Variants in PTPDC1 observed in about 807,000 individuals in gnomAD.
PTPDC1 encodes protein tyrosine phosphatase domain-containing protein 1.
Under a neutral mutation model 75.3 loss-of-function variants are expected in PTPDC1, and 53 were observed. The ratio of observed to expected loss-of-function variants is 0.70; its 90% CI spans 0.56 to 0.88. The LOEUF is 0.88. Ranked by LOEUF, PTPDC1 falls within the 40% of genes least tolerant of loss-of-function variation. PTPDC1 has a pLI of 0.00. For synonymous variants in PTPDC1, 349 were observed against 366.2 expected (o/e 0.95, Z 0.54); for missense variants, 925 against 998.6 (o/e 0.93, Z 0.99).
intron 5 of PTPDC1, among the ~76,000 whole-genome samples, chr9:94,096,899 A>T (rs1827591842): frequency 6.6e-6 from 1 of 152,194 alleles, no homozygotes; most frequent in African/African-American, 2.4e-5. Context: ...GTATGGATTG[A>T]TTGGATGGAA....
intron 1 of PTPDC1, among the ~76,000 whole-genome samples, chr9:94,061,126 C>A (rs1826116964): frequency 6.6e-6 from 1 of 152,136 alleles, no homozygotes; most frequent in South Asian, 2.1e-4. Context: ...GTAAATACTC[C>A]CATTCCGAAA....
intron 2 of PTPDC1, 71 bp from the exon 3 acceptor site, chr9:94,087,760 C>G: frequency 9.7e-7 from 1 of 1,032,490 alleles, no homozygotes; most frequent in Non-Finnish European, 1.5e-6. Context: ...TCTCTCAGGA[C>G]TGGAACATCT....
At chr9:94,037,610 G>C (rs1038684368) in intron 1 of PTPDC1, among the ~76,000 whole-genome samples, 7 of 151,194 alleles carry the variant, frequency 4.6e-5, no homozygotes, top group African/African-American at 1.7e-4. Flanking sequence ...TTTTTTTCTA[G>C]AACAGGGACC....
chr9:94,059,874 G>A (rs1468535126), intron 1 of PTPDC1, among the ~76,000 whole-genome samples: 1 of 152,058 alleles, frequency 6.6e-6, no homozygotes, highest in Admixed American at 6.5e-5. Context: ...TTTGACTGTT[G>A]TTGTATCCTG....
chr9:94,064,306 G>A (rs1281668501), intron 1 of PTPDC1, among the ~76,000 whole-genome samples: 1 of 152,136 alleles, frequency 6.6e-6, no homozygotes, highest in African/African-American at 2.4e-5. Context: ...TTTAAAATAG[G>A]GGATGATAGC....
intron 7 of PTPDC1, among the ~76,000 whole-genome samples, chr9:94,103,924 C>T (rs1827929444): frequency 6.6e-6 from 1 of 152,180 alleles, no homozygotes; most frequent in South Asian, 2.1e-4. Flanking sequence ...ATCTCTATGA[C>T]ATGTCACCAT....
At chr9:94,032,393 C>T (rs1829745272) in intron 1 of PTPDC1, among the ~76,000 whole-genome samples, 1 of 152,212 alleles carries the variant, frequency 6.6e-6, no homozygotes, top group Non-Finnish European at 1.5e-5. Context: ...TCTAATTTCC[C>T]ACCCAATCCC....
chr9:94,055,687 G>A (rs1460738191), intron 1 of PTPDC1, among the ~76,000 whole-genome samples: 3 of 152,110 alleles, frequency 2.0e-5, no homozygotes, highest in African/African-American at 7.2e-5. Flanking sequence ...TTCCAACATG[G>A]CACATGTATA....
chr9:94,047,641 A>G (rs1164391961), intron 1 of PTPDC1, among the ~76,000 whole-genome samples: 2 of 152,228 alleles, frequency 1.3e-5, no homozygotes, highest in Non-Finnish European at 2.9e-5. Context: ...TGGTTTTTAG[A>G]AAAGATCAAC....
At chr9:94,073,005 T>A (rs1826564869) in intron 2 of PTPDC1, among the ~76,000 whole-genome samples, 1 of 152,158 alleles carries the variant, frequency 6.6e-6, no homozygotes, top group African/African-American at 2.4e-5. Context: ...CTTTATCTGC[T>A]TTTGGTATCA....
intron 4 of PTPDC1, among the ~76,000 whole-genome samples, chr9:94,091,420 C>T (rs906093164): frequency 9.2e-5 from 14 of 151,878 alleles, no homozygotes; most frequent in African/African-American, 2.7e-4. Flanking sequence ...GCCTTGCATC[C>T]CAGGGATGAA....
At position 94,084,494 on chromosome 9, in the gene PTPDC1, TGA is replaced by T; in HGVS notation, c.-36_-35del. ...AAGTTCCTCACTGAGTGAGTGGGGC[TGA>T]CTCTTCCTGCCTCCGGCTCTTGCCT... On this transcript the variant is annotated 5_prime_UTR_variant, in exon 1 of 9. Transcript: ENST00000620992. The T allele has an allele frequency of 6.2e-7, 1 of 1,603,212 alleles. No individual in the cohort carries two copies. Among genetic ancestry groups the T allele is most frequent in the Non-Finnish European group, 8.5e-7 (1 of 1,179,458 alleles).
At chr9:94,089,375 A>G (rs1244474070) in intron 4 of PTPDC1, among the ~76,000 whole-genome samples, 1 of 147,946 alleles carries the variant, frequency 6.8e-6, no homozygotes, top group Non-Finnish European at 1.5e-5. Flanking sequence ...GATGATTTCC[A>G]ATTTCATCCA....
rs1827006753 is a variant in PTPDC1 at position 94,084,675 on chromosome 9, AC to A, written c.146del (p.Thr49ArgfsTer11). The A allele has an allele frequency of 6.2e-7, 1 of 1,613,682 alleles. No homozygotes were observed. Among genetic ancestry groups the A allele is most frequent in the Non-Finnish European group, 8.5e-7 (1 of 1,179,854 alleles). On this transcript the variant is annotated frameshift_variant, in exon 1 of 9. Transcript: ENST00000620992. LOFTEE classifies it high-confidence loss of function. ...RGSGLGSGSA[T>X]KLLSSSSLQV... ...CTCTGGCTTGGGCTCCGGCTCTGCC[AC>A]GAAGCTGCTGTCCTCGTCCTCTCTC...
chr9:94,102,415 TAAG>T (rs969094108), intron 7 of PTPDC1, among the ~76,000 whole-genome samples: 3 of 151,888 alleles, frequency 2.0e-5, no homozygotes, highest in Admixed American at 2.0e-4. Context: ...GAAGGAGAAA[TAAG>T]AAACTGGTAA....
intron 6 of PTPDC1, 30 bp downstream of exon 6, chr9:94,098,609 T>C (rs370390348): frequency 2.1e-5 from 32 of 1,544,762 alleles, no homozygotes; most frequent in Non-Finnish European, 2.6e-5. Context: ...TAATTATAGA[T>C]ATGTGGGAAA....
intron 4 of PTPDC1, among the ~76,000 whole-genome samples, chr9:94,089,431 G>A: frequency 7.8e-6 from 1 of 128,314 alleles, no homozygotes; most frequent in African/African-American, 2.9e-5. Flanking sequence ...TGGCTGCATA[G>A]TATTCCATGG....
chr9:94,079,605 C>A (rs1266512013), upstream of PTPDC1, among the ~76,000 whole-genome samples: 1 of 152,216 alleles, frequency 6.6e-6, no homozygotes, highest in Non-Finnish European at 1.5e-5. Context: ...TATGAGGTTA[C>A]TCTTATTAAT....
intron 2 of PTPDC1, among the ~76,000 whole-genome samples, chr9:94,078,805 T>C (rs1047126442): frequency 1.3e-5 from 2 of 152,238 alleles, no homozygotes; most frequent in African/African-American, 4.8e-5. Context: ...TTTTAACTTC[T>C]GAATTTCCAT....
Sources: allele counts gnomAD v4.1 joint callset (sites outside exome capture counted in the v4.1 genomes callset), GRCh38; gene constraint gnomAD v4.1.1; transcripts MANE v1.5; gene names NCBI Gene and HGNC (gene_info 2026-07-23, HGNC 2026-07-21).